KCNQ3: variants seen among roughly 807,000 people sequenced by gnomAD.
KCNQ3 encodes the protein potassium voltage-gated channel subfamily Q member 3, also known as potassium voltage-gated channel subfamily KQT member 3.
In KCNQ3, 30 loss-of-function variants were observed where a neutral mutation model predicts 92.5. That is an observed-to-expected ratio of 0.32 (90% CI 0.24 to 0.44). The LOEUF is 0.44. Among genes scored for constraint, KCNQ3 ranks in the 20% least tolerant of loss-of-function variants. The pLI is 1.00. For missense variants in KCNQ3, 913 were observed against 1,140.3 expected (o/e 0.80, Z 2.87); for synonymous variants, 450 against 468.8 (o/e 0.96, Z 0.52).
At chr8:132,321,140 A>G (rs753700749) in intron 1 of KCNQ3, among the ~76,000 whole-genome samples, 1 of 152,234 alleles carries the variant, frequency 6.6e-6, no homozygotes, top group Non-Finnish European at 1.5e-5. Context: ...GGTTTGGAAC[A>G]TAGAGTCATC....
Position 132,396,291 on chromosome 8 carries a change from G to A in KCNQ3, c.386+83856C>T, listed in dbSNP as rs548300738. ...GGAGCATCAATTCTCTAACCACTAC[G>A]TACACTGACACTCTGCAACTTAGAA... On this transcript the variant is annotated intron_variant, in intron 1 of 14. Transcript: ENST00000388996. 2.9e-4 allele frequency among the ~76,000 whole-genome samples: 44 copies of A among 151,888 alleles called. 1 individual carries two copies. In the South Asian group the frequency reaches 8.9e-3, roughly 31 times the overall value.
chr8:132,141,025 T>C (rs1185296257), intron 10 of KCNQ3, 104 bp downstream of exon 10: 2 of 1,024,678 alleles, frequency 2.0e-6, no homozygotes, highest in Non-Finnish European at 1.5e-6. Flanking sequence ...AGTTACCTTG[T>C]GGAGTCAAAG....
chr8:132,131,943 C>T (rs1177825026), intron 14 of KCNQ3, among the ~76,000 whole-genome samples: 4 of 152,018 alleles, frequency 2.6e-5, no homozygotes, highest in African/African-American at 9.7e-5. Flanking sequence ...CAAAAATTAG[C>T]TGGGCATGAT....
intron 8 of KCNQ3, among the ~76,000 whole-genome samples, chr8:132,168,132 C>G (rs7833027): frequency 0.041 from 6,193 of 152,238 alleles, 438 homozygotes; most frequent in African/African-American, 0.14. Context: ...TCATGGGTCC[C>G]TTTTGCCTGT....
chr8:132,480,004 G>T, intron 1 of KCNQ3, 143 bp downstream of exon 1: 1 of 691,546 alleles, frequency 1.4e-6, no homozygotes, highest in Admixed American at 2.6e-5. Flanking sequence ...CCAGGGAAAC[G>T]CGTGCTGAGG....
chr8:132,433,271 T>C, intron 1 of KCNQ3, among the ~76,000 whole-genome samples: 1 of 152,156 alleles, frequency 6.6e-6, no homozygotes, highest in Non-Finnish European at 1.5e-5. Flanking sequence ...CCTAATTCAA[T>C]GAAAAGCCAC....
At chr8:132,432,337 G>T (rs998782986) in intron 1 of KCNQ3, among the ~76,000 whole-genome samples, 3 of 147,356 alleles carry the variant, frequency 2.0e-5, no homozygotes, top group African/African-American at 7.6e-5. Context: ...TAGGGCCTAA[G>T]GCAGAAAATG....
intron 1 of KCNQ3, among the ~76,000 whole-genome samples, chr8:132,329,271 A>C (rs1818159982): frequency 6.6e-6 from 1 of 152,136 alleles, no homozygotes; most frequent in Admixed American, 6.6e-5. Context: ...AGGCACCCCC[A>C]AGTGCTGTTC....
intron 3 of KCNQ3, among the ~76,000 whole-genome samples, chr8:132,183,232 C>G (rs1826849867): frequency 6.6e-6 from 1 of 152,178 alleles, no homozygotes; most frequent in Non-Finnish European, 1.5e-5. Context: ...GTTGAAGCCA[C>G]TGATGACGTT....
chr8:132,122,808 A>G lies in KCNQ3; in HGVS notation c.*6454T>C, dbSNP rs1006178212. On this transcript the variant is annotated 3_prime_UTR_variant, in exon 15 of 15. Transcript: ENST00000388996. ...ATTCTGGCCGATTTATCCCGAGAACAATGTAAGTGGAAACTAACAATGAAG... is the reference window on the plus strand; with the variant it reads ...ATTCTGGCCGATTTATCCCGAGAACGATGTAAGTGGAAACTAACAATGAAG... 3 of 151,922 alleles carry G rather than the reference A, an allele frequency of 2.0e-5. No homozygotes were observed. Among genetic ancestry groups the G allele is most frequent in the African/African-American group, 7.2e-5 (3 of 41,440 alleles). 9.4% of individuals were successfully genotyped at this position (151,922 alleles called of 1,614,324 possible).
chr8:132,351,801 C>T (rs1818875218), intron 1 of KCNQ3, among the ~76,000 whole-genome samples: 1 of 152,206 alleles, frequency 6.6e-6, no homozygotes, highest in Admixed American at 6.5e-5. Flanking sequence ...CTGAGAGGCA[C>T]TGGCTATAGG....
At chr8:132,415,642 C>G (rs922364689) in intron 1 of KCNQ3, among the ~76,000 whole-genome samples, 1 of 152,132 alleles carries the variant, frequency 6.6e-6, no homozygotes, top group African/African-American at 2.4e-5. Flanking sequence ...CAAGAGCAGC[C>G]CCAGGCTCTG....
intron 1 of KCNQ3, among the ~76,000 whole-genome samples, chr8:132,224,754 C>CT (rs35520295): frequency 6.1e-4 from 93 of 152,006 alleles, no homozygotes; most frequent in African/African-American, 2.2e-3. Context: ...GATTTTGATA[C>CT]TTTTTTTTGA....
intron 1 of KCNQ3, among the ~76,000 whole-genome samples, chr8:132,456,661 G>A (rs568801852): frequency 2.4e-4 from 37 of 151,372 alleles, no homozygotes; most frequent in African/African-American, 8.3e-4. Context: ...AGGCTGCAGT[G>A]CAGTGGTGCG....
intron 1 of KCNQ3, among the ~76,000 whole-genome samples, chr8:132,438,773 T>C (rs1821458462): frequency 6.6e-6 from 1 of 151,948 alleles, no homozygotes; most frequent in African/African-American, 2.4e-5. Context: ...TAAGGATAGC[T>C]GCCGTGTGTT....
At chr8:132,429,131 C>G (rs546702296) in intron 1 of KCNQ3, among the ~76,000 whole-genome samples, 1 of 152,290 alleles carries the variant, frequency 6.6e-6, no homozygotes, top group African/African-American at 2.4e-5. Context: ...ATGTTTTGAT[C>G]CTCATAAGCA....
intron 1 of KCNQ3, among the ~76,000 whole-genome samples, chr8:132,452,027 G>C (rs1175826711): frequency 6.6e-6 from 1 of 152,158 alleles, no homozygotes; most frequent in African/African-American, 2.4e-5. Flanking sequence ...AGTGGTATGT[G>C]GTTTCTCACA....
chr8:132,325,984 C>A (rs1249362591), intron 1 of KCNQ3, among the ~76,000 whole-genome samples: 1 of 152,128 alleles, frequency 6.6e-6, no homozygotes, highest in South Asian at 2.1e-4. Context: ...GTAAAAGGGA[C>A]AATATTTGTT....
chr8:132,168,835 GT>G (rs1419645647), intron 8 of KCNQ3, among the ~76,000 whole-genome samples: 1 of 149,434 alleles, frequency 6.7e-6, no homozygotes, highest in Non-Finnish European at 1.5e-5. Flanking sequence ...GTAGCATTGG[GT>G]TATATGAGGG....
Sources: allele counts gnomAD v4.1 joint callset (sites outside exome capture counted in the v4.1 genomes callset), GRCh38; gene constraint gnomAD v4.1.1; transcripts MANE v1.5; gene names NCBI Gene and HGNC (gene_info 2026-07-23, HGNC 2026-07-21).